The following PREX2 variants were observed in gnomAD, a reference collection of about 807,000 sequenced individuals.
PREX2 encodes phosphatidylinositol-3,4,5-trisphosphate dependent Rac exchange factor 2, also known as phosphatidylinositol 3,4,5-trisphosphate-dependent Rac exchanger 2 protein.
A neutral mutation model predicts 203.2 loss-of-function variants in PREX2; 107 were observed. That is an observed-to-expected ratio of 0.53 (90% CI 0.45 to 0.62). The LOEUF (loss-of-function observed/expected upper bound fraction) is 0.62, where lower values mean the gene tolerates loss of function less well. PREX2 is among the 20% of genes least tolerant of loss of function. The pLI is 0.00. For synonymous variants in PREX2, 672 were observed against 663.6 expected (o/e 1.01, Z -0.19); for missense variants, 1,777 against 1,955.9 (o/e 0.91, Z 1.72).
intron 7 of PREX2, among the ~76,000 whole-genome samples, chr8:68,040,229 A>T (rs10112954): frequency 4.5e-4 from 69 of 152,034 alleles, no homozygotes; most frequent in African/African-American, 1.5e-3. Flanking sequence ...GTCTCACTGT[A>T]TTTCCCAGGC....
intron 1 of PREX2, among the ~76,000 whole-genome samples, chr8:68,001,499 G>A (rs1471803593): frequency 6.6e-6 from 1 of 152,174 alleles, no homozygotes; most frequent in Non-Finnish European, 1.5e-5. Context: ...GTTGGTGGGA[G>A]TGTGAATTAG....
At chr8:68,123,471 A>G (rs1215828286) in intron 30 of PREX2, among the ~76,000 whole-genome samples, 1 of 152,034 alleles carries the variant, frequency 6.6e-6, no homozygotes, top group Non-Finnish European at 1.5e-5. Flanking sequence ...AAAAATTAAT[A>G]AAGTAGATAG....
chr8:68,022,395 G>A (rs1016747720), intron 4 of PREX2, among the ~76,000 whole-genome samples: 6 of 152,094 alleles, frequency 3.9e-5, no homozygotes, highest in Non-Finnish European at 8.8e-5. Context: ...AGCGAGAGAG[G>A]AGCTTCTGCC....
At chr8:68,042,324 T>A (rs1434770) in intron 7 of PREX2, among the ~76,000 whole-genome samples, 61,926 of 151,820 alleles carry the variant, frequency 0.41, 15,616 homozygotes, top group African/African-American at 0.72. Flanking sequence ...ACTAGTTTTT[T>A]AAAAAGTTAT....
chr8:68,137,422 C>G (rs1291138266), intron 32 of PREX2, among the ~76,000 whole-genome samples: 1 of 151,922 alleles, frequency 6.6e-6, no homozygotes, highest in East Asian at 1.9e-4. Flanking sequence ...TAGGTGCATG[C>G]CACCATACCC....
At chr8:68,197,625 T>C (rs1254172192) in intron 37 of PREX2, among the ~76,000 whole-genome samples, 1 of 151,664 alleles carries the variant, frequency 6.6e-6, no homozygotes, top group Admixed American at 6.6e-5. Flanking sequence ...TTTCAATGTA[T>C]GTATTTGGAA....
At chr8:68,093,786 T>C in intron 21 of PREX2, 64 bp downstream of exon 21, 3 of 813,332 alleles carry the variant, frequency 3.7e-6, no homozygotes, top group Admixed American at 4.4e-5. Context: ...ATGTGCCTAC[T>C]CCCAAATATT....
At chr8:68,089,889 A>T (rs1809815877) in intron 19 of PREX2, among the ~76,000 whole-genome samples, 1 of 152,182 alleles carries the variant, frequency 6.6e-6, no homozygotes, top group African/African-American at 2.4e-5. Context: ...TCACACTATC[A>T]AATAACAATA....
intron 34 of PREX2, among the ~76,000 whole-genome samples, chr8:68,148,518 A>G (rs1394905782): frequency 6.6e-6 from 1 of 152,256 alleles, no homozygotes; most frequent in Non-Finnish European, 1.5e-5. Context: ...CTGAATAATC[A>G]TATCCAACAG....
chr8:68,216,788 T>C (rs1303634637), intron 37 of PREX2, among the ~76,000 whole-genome samples: 2 of 151,928 alleles, frequency 1.3e-5, no homozygotes, highest in African/African-American at 4.8e-5. Flanking sequence ...AAACCCCATA[T>C]CTACTAAAAA....
intron 35 of PREX2, among the ~76,000 whole-genome samples, chr8:68,158,272 T>G (rs1321121767): frequency 6.6e-6 from 1 of 151,910 alleles, no homozygotes; most frequent in East Asian, 1.9e-4. Context: ...AAAAAATATT[T>G]TTGTTCTATC....
intron 20 of PREX2, among the ~76,000 whole-genome samples, chr8:68,092,579 T>G (rs1244456750): frequency 1.3e-5 from 2 of 152,168 alleles, no homozygotes; most frequent in African/African-American, 2.4e-5. Flanking sequence ...TATAGGATAA[T>G]TTTTAAGGAA....
intron 14 of PREX2, among the ~76,000 whole-genome samples, chr8:68,075,830 G>A (rs1353571706): frequency 6.6e-6 from 1 of 152,206 alleles, no homozygotes; most frequent in Non-Finnish European, 1.5e-5. Context: ...ATTAATGAGG[G>A]TTGGATTTGT....
intron 9 of PREX2, 45 bp from the exon 10 acceptor site, chr8:68,055,785 T>C (rs745911686): frequency 2.6e-6 from 4 of 1,566,158 alleles, no homozygotes; most frequent in Middle Eastern, 1.7e-4. Context: ...AATGAATGAA[T>C]GAAGAGAATT....
At chr8:68,210,132 GCA>G (rs1301191163) in intron 37 of PREX2, among the ~76,000 whole-genome samples, 4 of 152,104 alleles carry the variant, frequency 2.6e-5, no homozygotes, top group Non-Finnish European at 4.4e-5. Context: ...TTTGTAGGTA[GCA>G]TTATTGAGAA....
chr8:67,992,246 C>T (rs914329456), intron 1 of PREX2, among the ~76,000 whole-genome samples: 1 of 152,174 alleles, frequency 6.6e-6, no homozygotes, highest in African/African-American at 2.4e-5. Context: ...TTCTTGCTAT[C>T]TCTGTGGTTC....
chr8:68,000,468 A>G (rs71515083), intron 1 of PREX2, among the ~76,000 whole-genome samples: 15,255 of 152,200 alleles, frequency 0.1, 809 homozygotes, highest in South Asian at 0.16. Context: ...AAATGGAAAA[A>G]CATTCCATGC....
At chr8:68,013,151 C>T (rs1256623509) in intron 1 of PREX2, among the ~76,000 whole-genome samples, 1 of 152,168 alleles carries the variant, frequency 6.6e-6, no homozygotes, top group Non-Finnish European at 1.5e-5. Context: ...TCCCAGTGAA[C>T]AAAGCAGGTA....
At chr8:67,993,589 G>T (rs1433148202) in intron 1 of PREX2, among the ~76,000 whole-genome samples, 1 of 151,840 alleles carries the variant, frequency 6.6e-6, no homozygotes, top group Non-Finnish European at 1.5e-5. Flanking sequence ...TGTATTTTTG[G>T]TAGAGATGGG....
Sources: allele counts gnomAD v4.1 joint callset (sites outside exome capture counted in the v4.1 genomes callset), GRCh38; gene constraint gnomAD v4.1.1; transcripts MANE v1.5; gene names NCBI Gene and HGNC (gene_info 2026-07-23, HGNC 2026-07-21).